The following ADAMTS14 variants were observed in gnomAD, a reference collection of about 807,000 sequenced individuals.
ADAMTS14 encodes the protein ADAM metallopeptidase with thrombospondin type 1 motif 14, also known as A disintegrin and metalloproteinase with thrombospondin motifs 14.
Under a neutral mutation model 128.6 loss-of-function variants are expected in ADAMTS14, and 100 were observed. The observed-to-expected ratio is 0.78, with a 90% CI of 0.66 to 0.92. ADAMTS14 has a LOEUF of 0.92. ADAMTS14 is among the 40% of genes least tolerant of loss of function. ADAMTS14 has a pLI of 0.00. For missense variants in ADAMTS14, 1,562 were observed against 1,658.6 expected (o/e 0.94, Z 1.01); for synonymous variants, 665 against 653.8 (o/e 1.02, Z -0.26).
At chr10:70,733,848 G>T in intron 7 of ADAMTS14, 37 bp from the exon 8 acceptor site, 1 of 1,591,810 alleles carries the variant, frequency 6.3e-7, no homozygotes, top group South Asian at 1.1e-5. Flanking sequence ...GCAGGCTCCT[G>T]GGATGTATCA....
chr10:70,717,639 A>G (rs958792872), intron 4 of ADAMTS14, among the ~76,000 whole-genome samples: 2 of 152,112 alleles, frequency 1.3e-5, no homozygotes, highest in Non-Finnish European at 2.9e-5. Context: ...ACCTCTTTGG[A>G]CATGGGGATA....
chr10:70,727,254 C>T (rs889410632), intron 4 of ADAMTS14, among the ~76,000 whole-genome samples: 3 of 152,240 alleles, frequency 2.0e-5, no homozygotes, highest in African/African-American at 7.2e-5. Flanking sequence ...AAGCGTACAT[C>T]TCCTGTTCCC....
intron 4 of ADAMTS14, 48 bp downstream of exon 4, chr10:70,708,826 G>GGGGGGCC: frequency 2.5e-6 from 1 of 396,628 alleles, no homozygotes; most frequent in Non-Finnish European, 4.8e-6. Context: ...GGTGGGGTGG[G>GGGGGGCC]CCCCACCCCA....
chr10:70,733,855 A>G (rs766956945), intron 7 of ADAMTS14, 30 bp from the exon 8 acceptor site: 2 of 1,601,284 alleles, frequency 1.2e-6, no homozygotes, highest in South Asian at 2.2e-5. Context: ...CCTGGGATGT[A>G]TCAGGACTCC....
chr10:70,724,616 G>C (rs114192799), intron 4 of ADAMTS14, among the ~76,000 whole-genome samples: 2,228 of 152,290 alleles, frequency 0.015, 61 homozygotes, highest in African/African-American at 0.051. Context: ...TGGCAGCCCT[G>C]TCCAGCCACC....
chr10:70,740,096 A>T (rs893395383), intron 11 of ADAMTS14, among the ~76,000 whole-genome samples: 4 of 152,316 alleles, frequency 2.6e-5, no homozygotes, highest in Non-Finnish European at 4.4e-5. Context: ...TTTTTATTTT[A>T]TGAGGCTTAA....
intron 2 of ADAMTS14, among the ~76,000 whole-genome samples, chr10:70,681,865 G>T (rs1199265781): frequency 6.6e-6 from 1 of 152,254 alleles, no homozygotes; most frequent in Admixed American, 6.5e-5. Flanking sequence ...GGGGCAGGGG[G>T]CACCAGAGCC....
intron 6 of ADAMTS14, 104 bp from the exon 7 acceptor site, chr10:70,732,150 A>T: frequency 1.0e-6 from 1 of 1,004,768 alleles, no homozygotes; most frequent in Non-Finnish European, 1.5e-6. Context: ...GAACGTCCCC[A>T]CTCCAAGCAC....
chr10:70,746,710 G>A (rs1280267554), intron 15 of ADAMTS14, among the ~76,000 whole-genome samples: 2 of 152,160 alleles, frequency 1.3e-5, no homozygotes, highest in South Asian at 2.1e-4. Flanking sequence ...GCTAGTTGGG[G>A]GACTGAGGCA....
intron 3 of ADAMTS14, among the ~76,000 whole-genome samples, chr10:70,707,516 C>T (rs975948701): frequency 6.6e-6 from 1 of 152,178 alleles, no homozygotes; most frequent in Middle Eastern, 3.2e-3. Flanking sequence ...CTCCATGCAC[C>T]CTCACTCCAC....
intron 4 of ADAMTS14, among the ~76,000 whole-genome samples, chr10:70,718,669 A>T (rs1307724702): frequency 6.8e-6 from 1 of 147,634 alleles, no homozygotes; most frequent in Non-Finnish European, 1.5e-5. Flanking sequence ...TACAGGTGTG[A>T]GCCAGGGTGC....
chr10:70,698,595 T>G (rs1460238808), intron 2 of ADAMTS14, among the ~76,000 whole-genome samples: 1 of 152,164 alleles, frequency 6.6e-6, no homozygotes, highest in Non-Finnish European at 1.5e-5. Context: ...CAGACCTGGA[T>G]GAGAGCTGCC....
At position 70,760,739 on chromosome 10, in the gene ADAMTS14, G is replaced by C. The variant is rs774754628; in HGVS notation, c.3558G>C (p.Gly1186=). Reference sequence around the variant, plus strand: ...GCATCTCCCCTACCACCCCCGGGGGGCTGCCTTGGGGCTGGACTCAGACAC... The same window carrying C: ...GCATCTCCCCTACCACCCCCGGGGGCCTGCCTTGGGGCTGGACTCAGACAC... The part of the protein sequence containing the change: ...SWSISPTTPG[G]LPWGWTQTPT... Residue 1186 remains glycine (G), a synonymous_variant, in exon 22 of 22, where the codon GGG becomes GGC. Coordinates refer to ENST00000373207, the MANE Select transcript of ADAMTS14 (RefSeq NM_080722.4). 1 of 1,613,846 alleles carries C rather than the reference G, an allele frequency of 6.2e-7. No homozygotes were observed. The highest frequency in any genetic ancestry group is 8.5e-7 in the Non-Finnish European group (1 of 1,179,986).
chr10:70,674,845 T>C lies in ADAMTS14; in HGVS notation c.372T>C (p.Asn124=). ...AACTGCACTTGCGCCTGCGGCCCAA[T>C]CGGAGGTTGGTAGTGCCAGGATCCT... The part of the protein sequence containing the change: ...GKELHLRLRP[N]RRLVVPGSSV... Residue 124 remains asparagine (N), a synonymous_variant, in exon 2 of 22, where the codon AAT becomes AAC. Transcript: ENST00000373207. 1 of 1,613,900 alleles carries C rather than the reference T, an allele frequency of 6.2e-7. No homozygotes were observed. The highest frequency in any genetic ancestry group is 2.2e-5 in the East Asian group (1 of 44,882).
At chr10:70,732,408 T>A in intron 7 of ADAMTS14, 49 bp downstream of exon 7, 1 of 1,489,410 alleles carries the variant, frequency 6.7e-7, no homozygotes, top group Non-Finnish European at 9.3e-7. Context: ...TGCCGTGAGC[T>A]CCAGGGAATT....
At chr10:70,748,148 T>C (rs1395139981) in intron 15 of ADAMTS14, among the ~76,000 whole-genome samples, 1 of 152,222 alleles carries the variant, frequency 6.6e-6, no homozygotes, top group African/African-American at 2.4e-5. Flanking sequence ...GAATATTGTT[T>C]TCCCGCTTTG....
chr10:70,752,178 C>T lies in ADAMTS14; in HGVS notation c.2680C>T (p.Pro894Ser). The T allele has an allele frequency of 6.2e-7, 1 of 1,613,754 alleles. No individual in the cohort carries two copies. Among genetic ancestry groups the T allele is most frequent in the Non-Finnish European group, 8.5e-7 (1 of 1,179,970 alleles). Residue 894 changes from proline (P) to serine (S), a missense_variant, in exon 18 of 22, where the codon CCC becomes TCC. Physicochemically the swap from Pro to Ser is moderately conservative, Grantham distance 74. Transcript: ENST00000373207. ...ACACCTGTGTGACCACAAGAAGAGG[C>T]CCAAGCCCATCCGCCGGCGCTGCAA... ...QRHLCDHKKRPKPIRRRCNQH... is the reference protein window; with the variant it reads ...QRHLCDHKKRSKPIRRRCNQH...
At chr10:70,732,628 T>C (rs1198859223) in intron 7 of ADAMTS14, among the ~76,000 whole-genome samples, 2 of 152,228 alleles carry the variant, frequency 1.3e-5, no homozygotes, top group Non-Finnish European at 2.9e-5. Context: ...GGGGACCAGA[T>C]GTGGCCCTGC....
At chr10:70,676,736 C>G (rs1246883716) in intron 2 of ADAMTS14, among the ~76,000 whole-genome samples, 1 of 152,174 alleles carries the variant, frequency 6.6e-6, no homozygotes, top group African/African-American at 2.4e-5. Context: ...GGCCCTTGGT[C>G]ACCCCGCTGG....
Sources: gnomAD v4.1 joint callset for allele counts (sites outside exome capture counted in the v4.1 genomes callset) on GRCh38, gnomAD v4.1.1 for gene constraint, MANE v1.5 for transcripts, NCBI Gene and HGNC (gene_info 2026-07-23, HGNC 2026-07-21) for gene names.